ACSM2B: variants seen among roughly 807,000 people sequenced by gnomAD.
ACSM2B encodes acyl-coenzyme A synthetase ACSM2B, mitochondrial.
ACSM2B carries 58 observed loss-of-function variants against 78.6 expected under a neutral mutation model. The ratio of observed to expected loss-of-function variants is 0.74; its 90% CI spans 0.60 to 0.92. The LOEUF is 0.92. Ranked by LOEUF, ACSM2B falls within the 40% of genes least tolerant of loss-of-function variation. The pLI, the probability that ACSM2B is intolerant of heterozygous loss-of-function variation, is 0.00. For missense variants in ACSM2B, 688 were observed against 711.2 expected, an observed-to-expected ratio of 0.97 and a Z score of 0.37; for synonymous variants, 257 against 256.8, an observed-to-expected ratio of 1.00 and a Z score of -0.01.
intron 9 of ACSM2B, among the ~76,000 whole-genome samples, chr16:20,545,530 T>C (rs1314611765): frequency 6.6e-6 from 1 of 152,156 alleles, no homozygotes; most frequent in East Asian, 1.9e-4. Context: ...AATAATAGCC[T>C]CCTCTTACCT....
chr16:20,537,112 T>A lies in ACSM2B; in HGVS notation c.*146A>T, dbSNP rs114821960. 1.3e-5 allele frequency: 12 copies of A among 898,942 alleles called. No homozygotes were observed. Among genetic ancestry groups the A allele is most frequent in the South Asian group, 6.8e-5 (4 of 58,988 alleles). The allele number at this position is 898,942 out of a possible 1,614,324, so 55.7% of individuals were successfully genotyped here. ...CTTATTTCAATATCTAACATAGTAA[T>A]GTTTTGTGCTAATAACCAGGGCAAG... On this transcript the variant is annotated 3_prime_UTR_variant, in exon 14 of 14. Coordinates refer to ENST00000329697, the MANE Select transcript of ACSM2B (RefSeq NM_001105069.2).
chr16:20,548,147 C>G lies in ACSM2B; in HGVS notation c.1013G>C (p.Gly338Ala). 1 of 1,614,038 alleles carries G rather than the reference C, an allele frequency of 6.2e-7. No homozygotes were observed. The highest frequency in any genetic ancestry group is 8.5e-7 in the Non-Finnish European group (1 of 1,179,938). ...CAGAGTTTCTGGAAGAAGGGACTCC[C>G]CTCCAGCGAGGCAGTTCTGTAGATG... Reference protein sequence around the residue: ...FPHLQNCLAGGESLLPETLEN... With the variant: ...FPHLQNCLAGAESLLPETLEN... The change falls in exon 8 of 14, where the codon GGG (glycine) becomes GCG (alanine). Residue 338 changes from glycine to alanine, a missense_variant. Transcript: ENST00000329697.
chr16:20,554,690 G>C (rs560182332), intron 4 of ACSM2B, among the ~76,000 whole-genome samples: 3 of 152,212 alleles, frequency 2.0e-5, no homozygotes, highest in Non-Finnish European at 4.4e-5. Context: ...AGAGATACAA[G>C]AGGTGGGAAG....
intron 1 of ACSM2B, among the ~76,000 whole-genome samples, chr16:20,573,450 A>G (rs551356206): frequency 6.7e-5 from 10 of 149,098 alleles, no homozygotes; most frequent in Admixed American, 5.3e-4. Context: ...GGTTAGGGAG[A>G]GAATGCTGTC....
chr16:20,571,152 G>A (rs1156946401), intron 1 of ACSM2B, among the ~76,000 whole-genome samples: 2 of 151,872 alleles, frequency 1.3e-5, no homozygotes, highest in Admixed American at 6.6e-5. Context: ...TCCTTGAGGT[G>A]TGGCCTTAGA....
At chr16:20,562,058 T>C (rs1021603509) in intron 2 of ACSM2B, among the ~76,000 whole-genome samples, 8 of 151,996 alleles carry the variant, frequency 5.3e-5, no homozygotes, top group African/African-American at 1.9e-4. Context: ...ACCTTCCAAC[T>C]ACTGTGAATA....
chr16:20,575,701 C>T (rs919543317), intron 1 of ACSM2B: 2 of 146,810 alleles, frequency 1.4e-5, no homozygotes, highest in African/African-American at 4.9e-5. Flanking sequence ...TTGACAACAC[C>T]CTCACAGACA....
At chr16:20,573,150 C>G (rs1319190022) in intron 1 of ACSM2B, among the ~76,000 whole-genome samples, 3 of 151,898 alleles carry the variant, frequency 2.0e-5, no homozygotes, top group South Asian at 2.1e-4. Context: ...CTTGTTTTAT[C>G]ATATTCCCAG....
At chr16:20,538,583 G>A (rs1351119867) in intron 13 of ACSM2B, among the ~76,000 whole-genome samples, 1 of 152,122 alleles carries the variant, frequency 6.6e-6, no homozygotes. Flanking sequence ...GTGAAAGGAG[G>A]GGGAGGGTGC....
Position 20,552,288 on chromosome 16 carries a change from G to A in ACSM2B, c.750C>T (p.Gly250=). ...LKAKMDAGWT[G]LQASDIMWTI... The stretch of plus-strand genomic sequence containing the variant: ...TCCACATTATATCAGAGGCTTGCAG[G>A]CCTGTCCAACTGAAAACACAGACAA... Residue 250 remains glycine, a synonymous_variant, in exon 6 of 14, where the codon GGC becomes GGT. Transcript: ENST00000329697. The A allele has an allele frequency of 6.2e-7, 1 of 1,609,308 alleles. No homozygotes were observed. Among genetic ancestry groups the A allele is most frequent in the Non-Finnish European group, 8.5e-7 (1 of 1,178,408 alleles).
At chr16:20,549,650 A>C (rs2015242946) in intron 6 of ACSM2B, 1 of 345,688 alleles carries the variant, frequency 2.9e-6, no homozygotes, top group Non-Finnish European at 5.6e-6. Flanking sequence ...AACATGAGTA[A>C]CCATGGCCAT....
intron 3 of ACSM2B, among the ~76,000 whole-genome samples, chr16:20,558,180 A>G (rs1387175738): frequency 5.9e-5 from 9 of 152,090 alleles, no homozygotes; most frequent in African/African-American, 1.7e-4. Context: ...TGTTCTTCAG[A>G]CCTTGCATTC....
chr16:20,562,966 A>T (rs1355391518), intron 2 of ACSM2B, among the ~76,000 whole-genome samples: 3 of 152,114 alleles, frequency 2.0e-5, no homozygotes, highest in Non-Finnish European at 4.4e-5. Context: ...CAAACTCAGC[A>T]CTTGAAGACA....
At chr16:20,575,987 T>G (rs2016239310) in intron 1 of ACSM2B, among the ~76,000 whole-genome samples, 1 of 150,704 alleles carries the variant, frequency 6.6e-6, no homozygotes, top group South Asian at 2.1e-4. Context: ...ACCACCTTTT[T>G]CCAGCTGCCC....
chr16:20,539,000 C>G (rs2014918685), intron 13 of ACSM2B, among the ~76,000 whole-genome samples: 1 of 152,126 alleles, frequency 6.6e-6, no homozygotes, highest in Non-Finnish European at 1.5e-5. Context: ...GGTCACACTC[C>G]TTCCCAGGGC....
intron 1 of ACSM2B, among the ~76,000 whole-genome samples, chr16:20,570,441 T>C (rs2016061347): frequency 6.6e-6 from 1 of 152,050 alleles, no homozygotes; most frequent in African/African-American, 2.4e-5. Flanking sequence ...ATCTTTTTGA[T>C]ATGCTGTTGG....
rs373674970 is a variant in ACSM2B at position 20,566,672 on chromosome 16, TATAC to T, written c.-8-1823_-8-1820del. On this transcript the variant is annotated intron_variant, in intron 1 of 13. Coordinates refer to ENST00000329697, the MANE Select transcript of ACSM2B (RefSeq NM_001105069.2). The stretch of plus-strand genomic sequence containing the variant: ...ATACTATATATATGTATATATAGTA[TATAC>T]ATATAGTATATACTATATATAGTAT... Among the ~76,000 whole-genome samples the T allele has an allele frequency of 5.1e-3, 113 of 22,206 alleles. 5 individuals carry two copies. Among genetic ancestry groups the T allele is most frequent in the African/African-American group, 0.037 (99 of 2,664 alleles). The allele number at this position is 22,206 out of a possible 152,430, so 14.6% of individuals were successfully genotyped here. A position where few individuals can be genotyped will look rare whatever the true frequency, so the allele number is the denominator to read the frequency against.
At chr16:20,564,939 A>G in intron 1 of ACSM2B, 86 bp from the exon 2 acceptor site, 12 of 1,503,044 alleles carry the variant, frequency 8.0e-6, no homozygotes, top group Non-Finnish European at 1.1e-5. Flanking sequence ...ATTCATCCCA[A>G]CCTTATAGGA....
At chr16:20,547,381 C>A in intron 8 of ACSM2B, 1 of 985,154 alleles carries the variant, frequency 1.0e-6, no homozygotes, top group Non-Finnish European at 1.2e-6. Flanking sequence ...AAAAGTTCTA[C>A]CAAGGGTACT....
Sources: allele counts gnomAD v4.1 joint callset (sites outside exome capture counted in the v4.1 genomes callset), GRCh38; gene constraint gnomAD v4.1.1; transcripts MANE v1.5; gene names NCBI Gene and HGNC (gene_info 2026-07-23, HGNC 2026-07-21).